Variants in BCL2L11 observed in about 807,000 individuals in gnomAD.
BCL2L11 encodes bcl-2-like protein 11.
A neutral mutation model predicts 20.6 loss-of-function variants in BCL2L11; 15 were observed. The ratio of observed to expected loss-of-function variants is 0.73; its 90% confidence interval spans 0.49 to 1.12. BCL2L11 has a LOEUF of 1.12. Among genes scored for constraint, BCL2L11 ranks in the 50% most tolerant of loss-of-function variants. The pLI, the probability that BCL2L11 is intolerant of heterozygous loss-of-function variation, is 0.00. For missense variants in BCL2L11, 292 were observed against 260.9 expected (o/e 1.12, Z -0.82); for synonymous variants, 108 against 92.8 (o/e 1.16, Z -0.94).
At chr2:111,123,694 T>A in intron 1 of BCL2L11, 39 bp from the exon 2 acceptor site, 1 of 1,381,458 alleles carries the variant, frequency 7.2e-7, no homozygotes, top group Non-Finnish European at 9.4e-7. Flanking sequence ...CGATTTTTTT[T>A]TTTGCTTAAA....
intron 2 of BCL2L11, among the ~76,000 whole-genome samples, chr2:111,141,819 C>T (rs557938599): frequency 2.0e-5 from 3 of 151,904 alleles, no homozygotes; most frequent in Non-Finnish European, 2.9e-5. Flanking sequence ...CTGCCTCAGC[C>T]TCCTGAGTAG....
chr2:111,164,751 T>C lies in BCL2L11; in HGVS notation c.*520T>C, dbSNP rs2150613959. 1 of 153,436 alleles carries C rather than the reference T, an allele frequency of 6.5e-6. No homozygotes were observed. The highest frequency in any genetic ancestry group is 2.4e-5 in the African/African-American group (1 of 41,588). 9.5% of individuals were successfully genotyped at this position (153,436 alleles called of 1,614,324 possible). Reference sequence around the variant, plus strand: ...TTTTTAAACAGGGAGACGTGTGATATACTCCCTCCCTTCCCTACTATTGCC... The same window carrying C: ...TTTTTAAACAGGGAGACGTGTGATACACTCCCTCCCTTCCCTACTATTGCC... On this transcript the variant is annotated 3_prime_UTR_variant, in exon 4 of 4. Coordinates refer to ENST00000393256, the MANE Select transcript of BCL2L11 (RefSeq NM_138621.5).
intron 2 of BCL2L11, among the ~76,000 whole-genome samples, chr2:111,129,561 T>C (rs887530411): frequency 6.4e-4 from 98 of 152,360 alleles, no homozygotes; most frequent in African/African-American, 2.4e-3. Flanking sequence ...TATAGTATAC[T>C]GTCACAACCA....
At chr2:111,131,503 C>G (rs1467665222) in intron 2 of BCL2L11, 2 of 152,030 alleles carry the variant, frequency 1.3e-5, no homozygotes, top group Non-Finnish European at 2.9e-5. Context: ...CTCTGTCAGT[C>G]TTTCCAAAAG....
chr2:111,124,322 G>C (rs943925926), intron 2 of BCL2L11, among the ~76,000 whole-genome samples, 183 bp downstream of exon 2: 2 of 147,334 alleles, frequency 1.4e-5, no homozygotes, highest in Admixed American at 1.4e-4. Flanking sequence ...GATGAGTCTT[G>C]CTCTGTCGCC....
chr2:111,136,641 C>T (rs927943344), intron 2 of BCL2L11, among the ~76,000 whole-genome samples: 1 of 152,134 alleles, frequency 6.6e-6, no homozygotes, highest in Non-Finnish European at 1.5e-5. Flanking sequence ...GCGGTGAGGG[C>T]CACTTAGACG....
intron 2 of BCL2L11, among the ~76,000 whole-genome samples, chr2:111,130,852 A>G (rs774053824): frequency 6.6e-6 from 1 of 152,188 alleles, no homozygotes; most frequent in Non-Finnish European, 1.5e-5. Flanking sequence ...ATGTTTCTGT[A>G]CCAGTTGATA....
At chr2:111,162,235 C>T (rs1310300329) in intron 3 of BCL2L11, among the ~76,000 whole-genome samples, 3 of 152,188 alleles carry the variant, frequency 2.0e-5, no homozygotes, top group Non-Finnish European at 4.4e-5. Context: ...TGTTGAATGT[C>T]GTCCAAAAGC....
intron 3 of BCL2L11, among the ~76,000 whole-genome samples, chr2:111,154,968 T>C (rs2077654771): frequency 6.6e-6 from 1 of 152,198 alleles, no homozygotes; most frequent in African/African-American, 2.4e-5. Flanking sequence ...GCTGTGAAGG[T>C]CACGGAGCTC....
chr2:111,121,580 C>T (rs1241431807), intron 1 of BCL2L11, among the ~76,000 whole-genome samples: 9 of 152,162 alleles, frequency 5.9e-5, no homozygotes, highest in African/African-American at 4.8e-5. Flanking sequence ...CCGCCGGCTC[C>T]GGCGCCCTCA....
At chr2:111,123,196 A>G in intron 1 of BCL2L11, 1 of 985,464 alleles carries the variant, frequency 1.0e-6, no homozygotes, top group Non-Finnish European at 1.2e-6. Flanking sequence ...GCCGCGCTGG[A>G]GTTACAAACT....
intron 3 of BCL2L11, chr2:111,153,789 TA>T: frequency 1.9e-6 from 3 of 1,552,178 alleles, no homozygotes; most frequent in Non-Finnish European, 2.6e-6. Flanking sequence ...GTTAGAGAAA[TA>T]GAGGAAGTTG....
intron 2 of BCL2L11, among the ~76,000 whole-genome samples, chr2:111,126,905 A>G (rs1461838295): frequency 1.3e-5 from 2 of 152,150 alleles, no homozygotes; most frequent in Non-Finnish European, 2.9e-5. Flanking sequence ...GGTAGAGATC[A>G]GTGTGTCTTG....
chr2:111,125,924 C>T (rs954389779), intron 2 of BCL2L11, among the ~76,000 whole-genome samples: 2 of 152,144 alleles, frequency 1.3e-5, no homozygotes, highest in Admixed American at 6.5e-5. Context: ...TGATCATTCT[C>T]GCTTACTATA....
intron 2 of BCL2L11, among the ~76,000 whole-genome samples, chr2:111,138,672 A>G (rs1403010278): frequency 6.6e-6 from 1 of 152,152 alleles, no homozygotes; most frequent in South Asian, 2.1e-4. Context: ...GAACATCTCC[A>G]TCGGACAGGA....
chr2:111,137,683 A>G (rs1017405353), intron 2 of BCL2L11, among the ~76,000 whole-genome samples: 3 of 149,814 alleles, frequency 2.0e-5, no homozygotes, highest in Non-Finnish European at 4.4e-5. Flanking sequence ...CATATATGCA[A>G]GGGGGTTCAT....
chr2:111,123,373 C>A (rs983647560), intron 1 of BCL2L11: 94 of 985,380 alleles, frequency 9.5e-5, no homozygotes, highest in Admixed American at 6.1e-5. Context: ...TACCTAACCC[C>A]GGGAAGTCAG....
At chr2:111,132,028 T>C (rs1264159305) in intron 2 of BCL2L11, 1 of 152,098 alleles carries the variant, frequency 6.6e-6, no homozygotes, top group Non-Finnish European at 1.5e-5. Context: ...AAGATGGAGT[T>C]GTTTGGCCTC....
chr2:111,148,820 T>G (rs2076892680), intron 2 of BCL2L11, among the ~76,000 whole-genome samples: 1 of 152,238 alleles, frequency 6.6e-6, no homozygotes, highest in African/African-American at 2.4e-5. Context: ...GGGTATAAGA[T>G]GAGGCAAGAG....
Sources: allele counts gnomAD v4.1 joint callset (sites outside exome capture counted in the v4.1 genomes callset), GRCh38; gene constraint gnomAD v4.1.1; transcripts MANE v1.5; gene names NCBI Gene and HGNC (gene_info 2026-07-23, HGNC 2026-07-21).